ZNF782: variants seen among roughly 807,000 people sequenced by gnomAD.
ZNF782 encodes the protein zinc finger protein 782.
A neutral mutation model predicts 13.0 loss-of-function variants in ZNF782; 12 were observed. The observed-to-expected ratio is 0.92, with a 90% confidence interval of 0.59 to 1.50. The LOEUF is 1.50. Ranked by LOEUF, ZNF782 falls within the 40% of genes most tolerant of loss-of-function variation. The probability of loss-of-function intolerance (pLI) is 0.00; values close to 1 mark genes in which losing one functional copy is unlikely to be tolerated. For missense variants in ZNF782, 770 were observed against 822.9 expected (o/e 0.94, Z 0.79); for synonymous variants, 284 against 283.0 (o/e 1.00, Z -0.04).
chr9:96,899,935 G>T, the ZNF782 span, among the ~76,000 whole-genome samples: 4,288 of 151,458 alleles, frequency 0.028, 225 homozygotes, highest in African/African-American at 0.099. Context: ...GAGTAGCTGG[G>T]ACTATAGGTG....
chr9:96,924,818 A>G, the ZNF782 span, among the ~76,000 whole-genome samples: 1 of 152,212 alleles, frequency 6.6e-6, no homozygotes, highest in Admixed American at 6.5e-5. Flanking sequence ...TGGGGTTCCC[A>G]CTGCATTGTT....
At chr9:96,932,670 G>C in the ZNF782 span, among the ~76,000 whole-genome samples, 32 of 100,994 alleles carry the variant, frequency 3.2e-4, no homozygotes, top group Non-Finnish European at 6.0e-4. Context: ...TTTTTTTTTT[G>C]AGATGGACTT....
the ZNF782 span, among the ~76,000 whole-genome samples, chr9:96,897,724 C>T: frequency 2.0e-5 from 3 of 150,926 alleles, no homozygotes; most frequent in African/African-American, 7.3e-5. Context: ...CTCTTTTGTT[C>T]TGTGTTTCTT....
At chr9:96,921,160 C>T in the ZNF782 span, among the ~76,000 whole-genome samples, 2 of 146,006 alleles carry the variant, frequency 1.4e-5, no homozygotes, top group Non-Finnish European at 3.0e-5. Context: ...ATTTGCTGAA[C>T]ATAAAAGAGT....
chr9:96,932,652 ATTT>A, the ZNF782 span, among the ~76,000 whole-genome samples: 6,230 of 130,056 alleles, frequency 0.048, 207 homozygotes, highest in African/African-American at 0.15. Flanking sequence ...CCAATCCTTA[ATTT>A]TTTTTTTTTT....
chr9:96,918,848 G>A, the ZNF782 span: 2 of 172,290 alleles, frequency 1.2e-5, 1 homozygote, highest in Admixed American at 1.3e-4. Context: ...CAAAGGAAAG[G>A]ATCTGTCAGA....
chr9:96,863,837 T>C (rs1217381159), intron 1 of ZNF782, among the ~76,000 whole-genome samples: 3 of 152,056 alleles, frequency 2.0e-5, no homozygotes, highest in African/African-American at 7.2e-5. Context: ...AAGAATGATA[T>C]AGTGGACTTT....
upstream of ZNF782, among the ~76,000 whole-genome samples, chr9:96,878,993 C>G (rs970118465): frequency 2.0e-5 from 3 of 152,082 alleles, no homozygotes; most frequent in Admixed American, 6.5e-5. Context: ...CCATAAATTT[C>G]TTTTAAAAAA....
chr9:96,853,694 TCTG>T (rs1851572490), intron 1 of ZNF782, among the ~76,000 whole-genome samples: 1 of 152,200 alleles, frequency 6.6e-6, no homozygotes, highest in Admixed American at 6.5e-5. Context: ...GACATGACAT[TCTG>T]CTAAGTGCTG....
the ZNF782 span, chr9:96,928,953 C>G: frequency 1.3e-6 from 2 of 1,554,994 alleles, no homozygotes; most frequent in South Asian, 2.3e-5. Context: ...AGGTCACTCT[C>G]TGGGTCCTGC....
chr9:96,880,389 GC>G (rs1441442869), upstream of ZNF782, among the ~76,000 whole-genome samples: 31 of 152,270 alleles, frequency 2.0e-4, no homozygotes, highest in Non-Finnish European at 4.1e-4. Context: ...TGAGACTTTA[GC>G]CATCAAGTGT....
chr9:96,843,100 A>G (rs751018863), intron 4 of ZNF782, among the ~76,000 whole-genome samples: 1 of 152,162 alleles, frequency 6.6e-6, no homozygotes, highest in Non-Finnish European at 1.5e-5. Flanking sequence ...GCTGGTGGAA[A>G]TGCAAAATGG....
At chr9:96,912,686 G>A in the ZNF782 span, among the ~76,000 whole-genome samples, 1 of 151,272 alleles carries the variant, frequency 6.6e-6, no homozygotes, top group African/African-American at 2.4e-5. Context: ...ATGCCATCAC[G>A]CCTGGCTAAT....
intron 1 of ZNF782, among the ~76,000 whole-genome samples, chr9:96,853,518 C>T (rs1383550195): frequency 6.6e-6 from 1 of 152,160 alleles, no homozygotes; most frequent in Non-Finnish European, 1.5e-5. Flanking sequence ...TGGCAAAAAT[C>T]TGACTCTTAG....
the ZNF782 span, chr9:96,897,860 T>C: frequency 2.0e-5 from 3 of 151,982 alleles, no homozygotes; most frequent in Admixed American, 6.5e-5. Context: ...AGGTGAGATA[T>C]TGGCTGTAAC....
At chr9:96,883,007 GAGA>G in the ZNF782 span, among the ~76,000 whole-genome samples, 9,661 of 152,134 alleles carry the variant, frequency 0.064, 896 homozygotes, top group African/African-American at 0.21. Context: ...TGGCTGTCAT[GAGA>G]AGAATGGACA....
At chr9:96,854,643 C>G (rs1851613394), upstream of ZNF782, among the ~76,000 whole-genome samples, 1 of 152,212 alleles carries the variant, frequency 6.6e-6, no homozygotes, top group Non-Finnish European at 1.5e-5. Context: ...CACGTTTCGG[C>G]GATTCAGAAT....
At position 96,816,562 on chromosome 9, in the gene ZNF782, G is replaced by C. The variant is rs1293798495; in HGVS notation, c.*1361C>G. 6.6e-6 allele frequency: 1 copy of C among 152,098 alleles called. No individual in the cohort carries two copies. The highest frequency in any genetic ancestry group is 1.9e-4 in the East Asian group (1 of 5,192). The allele number at this position is 152,098 out of a possible 1,614,324, so 9.4% of individuals were successfully genotyped here. On this transcript the variant is annotated 3_prime_UTR_variant, in exon 6 of 6. Transcript: ENST00000481138. ...TTCATTAAAAGTTTTGATATTATAT[G>C]TGAAACAACAGTTCTGATAAAGCAA...
the ZNF782 span, among the ~76,000 whole-genome samples, chr9:96,915,680 TA>T: frequency 1.3e-5 from 2 of 151,032 alleles, no homozygotes; most frequent in Admixed American, 6.6e-5. Flanking sequence ...GTAATCCAGG[TA>T]AAGTATCGAA....
Sources: gnomAD v4.1 joint callset for allele counts (sites outside exome capture counted in the v4.1 genomes callset) on GRCh38, gnomAD v4.1.1 for gene constraint, MANE v1.5 for transcripts, NCBI Gene and HGNC (gene_info 2026-07-23, HGNC 2026-07-21) for gene names.